MLLT3: variants seen among roughly 807,000 people sequenced by gnomAD.
The protein encoded by MLLT3 is protein AF-9.
MLLT3 carries 4 observed loss-of-function variants against 53.2 expected under a neutral mutation model. That is an observed-to-expected ratio of 0.08 (90% CI 0.04 to 0.17). The LOEUF (loss-of-function observed/expected upper bound fraction) is 0.17, where lower values mean the gene tolerates loss of function less well. MLLT3 is among the 10% of genes least tolerant of loss of function. The pLI is 1.00. For synonymous variants in MLLT3, 283 were observed against 230.6 expected (o/e 1.23, Z -2.06); for missense variants, 569 against 684.0 (o/e 0.83, Z 1.87).
chr9:20,479,339 T>G (rs3892039), intron 2 of MLLT3, among the ~76,000 whole-genome samples: 14,385 of 152,226 alleles, frequency 0.094, 913 homozygotes, highest in Non-Finnish European at 0.14. Flanking sequence ...ACTATTTCTC[T>G]AATTAATTTG....
At chr9:20,614,483 C>T (rs909689424) in intron 2 of MLLT3, among the ~76,000 whole-genome samples, 1 of 151,970 alleles carries the variant, frequency 6.6e-6, no homozygotes, top group African/African-American at 2.4e-5. Context: ...AAAAAAAGCA[C>T]ACACTTGTTG....
At chr9:20,503,167 CA>C (rs1437782955) in intron 2 of MLLT3, among the ~76,000 whole-genome samples, 10 of 152,114 alleles carry the variant, frequency 6.6e-5, no homozygotes, top group Non-Finnish European at 1.2e-4. Context: ...ATTTCAATGA[CA>C]TTTTTTACAG....
intron 2 of MLLT3, among the ~76,000 whole-genome samples, chr9:20,555,218 G>T (rs1204645628): frequency 6.6e-6 from 1 of 152,082 alleles, no homozygotes; most frequent in Admixed American, 6.5e-5. Context: ...TCTTACACTG[G>T]ATTCTCTGGT....
intron 2 of MLLT3, among the ~76,000 whole-genome samples, chr9:20,467,961 T>A (rs892313512): frequency 6.6e-6 from 1 of 152,184 alleles, no homozygotes; most frequent in African/African-American, 2.4e-5. Context: ...GAGGCAGGTA[T>A]GTATAACGTG....
At chr9:20,572,484 T>C (rs1819553432) in intron 2 of MLLT3, among the ~76,000 whole-genome samples, 1 of 152,186 alleles carries the variant, frequency 6.6e-6, no homozygotes, top group Admixed American at 6.5e-5. Context: ...TAGTTTGTTA[T>C]TTATTTATAT....
intron 2 of MLLT3, among the ~76,000 whole-genome samples, chr9:20,578,258 C>G (rs1391493483): frequency 6.6e-6 from 1 of 152,174 alleles, no homozygotes; most frequent in Non-Finnish European, 1.5e-5. Flanking sequence ...CCTCCCTTCC[C>G]TAGTCATATC....
intron 2 of MLLT3, among the ~76,000 whole-genome samples, chr9:20,592,715 C>T (rs1210874856): frequency 6.6e-6 from 1 of 152,118 alleles, no homozygotes; most frequent in African/African-American, 2.4e-5. Context: ...TTGAAAAAGT[C>T]CTAAATAAAT....
At chr9:20,397,346 T>A (rs1053368083) in intron 5 of MLLT3, among the ~76,000 whole-genome samples, 1 of 152,144 alleles carries the variant, frequency 6.6e-6, no homozygotes, top group African/African-American at 2.4e-5. Context: ...AACAACTACA[T>A]TGGCTTCTCA....
At chr9:20,366,701 A>C (rs990194032) in intron 5 of MLLT3, among the ~76,000 whole-genome samples, 1 of 152,196 alleles carries the variant, frequency 6.6e-6, no homozygotes, top group African/African-American at 2.4e-5. Context: ...CCTCTCCAGC[A>C]TCTGTTGTTT....
At chr9:20,590,740 C>CT (rs1429203475) in intron 2 of MLLT3, among the ~76,000 whole-genome samples, 2 of 152,022 alleles carry the variant, frequency 1.3e-5, no homozygotes, top group East Asian at 1.9e-4. Flanking sequence ...TTGCCGTCTT[C>CT]TTTTTTTTCC....
chr9:20,391,758 TTTG>T (rs1184301489), intron 5 of MLLT3, among the ~76,000 whole-genome samples: 10 of 152,216 alleles, frequency 6.6e-5, no homozygotes, highest in African/African-American at 2.4e-4. Flanking sequence ...TACACAATTC[TTTG>T]TCACTATCAA....
chr9:20,453,300 C>T (rs2118855086), intron 3 of MLLT3, among the ~76,000 whole-genome samples: 1 of 152,272 alleles, frequency 6.6e-6, no homozygotes, highest in South Asian at 2.1e-4. Flanking sequence ...GTGGCTCACA[C>T]CTGTAATCCT....
intron 2 of MLLT3, among the ~76,000 whole-genome samples, chr9:20,581,277 G>A (rs1819785397): frequency 1.3e-5 from 2 of 152,054 alleles, no homozygotes; most frequent in Admixed American, 1.3e-4. Flanking sequence ...AAGTGGGAGT[G>A]GGAAGAGATT....
chr9:20,400,311 ATAGAT>A (rs1424466554), intron 5 of MLLT3, among the ~76,000 whole-genome samples: 11 of 152,262 alleles, frequency 7.2e-5, no homozygotes, highest in East Asian at 1.9e-4. Flanking sequence ...GGGAGAACCT[ATAGAT>A]TAAAGAAATG....
At chr9:20,553,579 T>C (rs1818981241) in intron 2 of MLLT3, among the ~76,000 whole-genome samples, 1 of 152,218 alleles carries the variant, frequency 6.6e-6, no homozygotes, top group Non-Finnish European at 1.5e-5. Context: ...CTATATAAGA[T>C]CCTGCTCATT....
intron 3 of MLLT3, among the ~76,000 whole-genome samples, chr9:20,451,620 C>T (rs1366884350): frequency 6.6e-6 from 1 of 152,160 alleles, no homozygotes; most frequent in Non-Finnish European, 1.5e-5. Context: ...GACATTATGT[C>T]AGTCTGTGCT....
chr9:20,511,626 A>G (rs1487707651), intron 2 of MLLT3, among the ~76,000 whole-genome samples: 2 of 152,224 alleles, frequency 1.3e-5, no homozygotes, highest in African/African-American at 4.8e-5. Context: ...ATGGCCTATG[A>G]CAGAGCCTAT....
intron 2 of MLLT3, among the ~76,000 whole-genome samples, chr9:20,597,955 T>A (rs972730477): frequency 6.6e-6 from 1 of 152,228 alleles, no homozygotes; most frequent in Admixed American, 6.5e-5. Flanking sequence ...CCTGTTTCTG[T>A]CTCAGCAACA....
At chr9:20,408,322 T>C (rs781305799) in intron 5 of MLLT3, among the ~76,000 whole-genome samples, 5 of 151,636 alleles carry the variant, frequency 3.3e-5, no homozygotes, top group African/African-American at 4.9e-5. Context: ...AAACCAGGAA[T>C]ATGGATGAAT....
Sources: allele counts gnomAD v4.1 joint callset (sites outside exome capture counted in the v4.1 genomes callset), GRCh38; gene constraint gnomAD v4.1.1; transcripts MANE v1.5; gene names NCBI Gene and HGNC (gene_info 2026-07-23, HGNC 2026-07-21).